Variants in RAB3B observed in about 807,000 individuals in gnomAD.
RAB3B encodes ras-related protein Rab-3B.
RAB3B carries 11 observed loss-of-function variants against 20.5 expected under a neutral mutation model. The ratio of observed to expected loss-of-function variants is 0.54; its 90% confidence interval spans 0.34 to 0.89. The LOEUF (loss-of-function observed/expected upper bound fraction) is 0.89, where lower values mean the gene tolerates loss of function less well. Ranked by LOEUF, RAB3B falls within the 40% of genes least tolerant of loss-of-function variation. The pLI, the probability that RAB3B is intolerant of heterozygous loss-of-function variation, is 0.02. For synonymous variants in RAB3B, 99 were observed against 106.3 expected (o/e 0.93, Z 0.42); for missense variants, 225 against 280.9 (o/e 0.80, Z 1.42).
At chr1:51,927,048 T>C (rs1472373287) in intron 4 of RAB3B, among the ~76,000 whole-genome samples, 1 of 152,242 alleles carries the variant, frequency 6.6e-6, no homozygotes, top group Non-Finnish European at 1.5e-5. Context: ...TGAAAGCATA[T>C]TGTGAATTTT....
In RAB3B at chr1:51,908,186, G is replaced by A. The variant is rs574121598; in HGVS notation, c.*11741C>T. 1 of 152,194 alleles carries A rather than the reference G, an allele frequency of 6.6e-6. No homozygotes were observed. Among genetic ancestry groups the A allele is most frequent in the South Asian group, 2.1e-4 (1 of 4,818 alleles). The allele number at this position is 152,194 out of a possible 1,614,324, so 9.4% of individuals were successfully genotyped here. The stretch of plus-strand genomic sequence containing the variant: ...TTCATATTTCATATGCCACTGAGAA[G>A]AGGTGTCAGTATACAGAACATAGGA... On this transcript the variant is annotated 3_prime_UTR_variant, in exon 5 of 5. Coordinates refer to ENST00000371655, the MANE Select transcript of RAB3B (RefSeq NM_002867.4).
chr1:51,980,946 A>T (rs1436813418), intron 1 of RAB3B: 1 of 338,268 alleles, frequency 3.0e-6, no homozygotes. Context: ...AAGGTAATAC[A>T]TACTTACGGA....
chr1:51,967,732 G>A (rs569596752), intron 2 of RAB3B, among the ~76,000 whole-genome samples: 9 of 150,942 alleles, frequency 6.0e-5, no homozygotes, highest in South Asian at 2.1e-4. Flanking sequence ...GTATGTTGCT[G>A]GTCTCACTCC....
chr1:51,969,705 A>G (rs1384319050), intron 2 of RAB3B, among the ~76,000 whole-genome samples: 1 of 152,144 alleles, frequency 6.6e-6, no homozygotes, highest in Non-Finnish European at 1.5e-5. Flanking sequence ...AATGCTATTT[A>G]TCAATCTCCC....
At chr1:51,927,868 T>C (rs1684266190) in intron 4 of RAB3B, among the ~76,000 whole-genome samples, 1 of 152,128 alleles carries the variant, frequency 6.6e-6, no homozygotes, top group African/African-American at 2.4e-5. Flanking sequence ...CAGAAGCATA[T>C]TTCCCTTTTA....
intron 2 of RAB3B, among the ~76,000 whole-genome samples, chr1:51,947,872 T>C (rs1684585963): frequency 6.6e-6 from 1 of 152,060 alleles, no homozygotes; most frequent in South Asian, 2.1e-4. Flanking sequence ...TTGTATTGAG[T>C]GCTTCCAACT....
At chr1:51,963,120 A>G (rs1289242356) in intron 2 of RAB3B, among the ~76,000 whole-genome samples, 1 of 152,124 alleles carries the variant, frequency 6.6e-6, no homozygotes, top group Non-Finnish European at 1.5e-5. Flanking sequence ...CTTCTCCTCC[A>G]GTGATATTGA....
At chr1:51,953,399 C>T (rs1185228065) in intron 2 of RAB3B, among the ~76,000 whole-genome samples, 1 of 152,208 alleles carries the variant, frequency 6.6e-6, no homozygotes, top group Non-Finnish European at 1.5e-5. Context: ...CATGATTATA[C>T]TTAATACATC....
At chr1:51,954,266 G>T (rs1173188923) in intron 2 of RAB3B, among the ~76,000 whole-genome samples, 3 of 152,170 alleles carry the variant, frequency 2.0e-5, no homozygotes, top group Non-Finnish European at 4.4e-5. Flanking sequence ...AACATATAAA[G>T]ATTTTCTAAC....
intron 1 of RAB3B, among the ~76,000 whole-genome samples, chr1:51,980,191 G>A (rs1173558603): frequency 6.6e-6 from 1 of 152,170 alleles, no homozygotes; most frequent in East Asian, 1.9e-4. Context: ...AACTTTGGGA[G>A]GCCAAAGTGG....
intron 4 of RAB3B, among the ~76,000 whole-genome samples, chr1:51,931,138 G>C (rs1308656632): frequency 1.3e-5 from 2 of 152,070 alleles, no homozygotes; most frequent in African/African-American, 2.4e-5. Context: ...AGTGGCGTGA[G>C]TCCCCTCTTT....
chr1:51,959,310 A>G (rs748815821), intron 2 of RAB3B, among the ~76,000 whole-genome samples: 1 of 152,148 alleles, frequency 6.6e-6, no homozygotes, highest in Non-Finnish European at 1.5e-5. Flanking sequence ...ACTTGAGCCC[A>G]GGAGTTCAAG....
intron 2 of RAB3B, among the ~76,000 whole-genome samples, chr1:51,957,541 ATCTGTT>A: frequency 6.6e-6 from 1 of 152,240 alleles, no homozygotes; most frequent in Non-Finnish European, 1.5e-5. Context: ...TGAGCTGCAG[ATCTGTT>A]AACTGCAAAA....
chr1:51,918,086 T>C lies in RAB3B; in HGVS notation c.*1841A>G, dbSNP rs1464109233. On this transcript the variant is annotated 3_prime_UTR_variant, in exon 5 of 5. Transcript: ENST00000371655. ...CCTGTGGCCAAGCAAGCTAGAATAATGAGCTAATTTATTCTGGTCTCTGAG... is the reference window on the plus strand; with the variant it reads ...CCTGTGGCCAAGCAAGCTAGAATAACGAGCTAATTTATTCTGGTCTCTGAG... 1 of 152,220 alleles carries C rather than the reference T, an allele frequency of 6.6e-6. No individual in the cohort carries two copies. The highest frequency in any genetic ancestry group is 1.5e-5 in the Non-Finnish European group (1 of 68,038). The allele number at this position is 152,220 out of a possible 1,614,324, so 9.4% of individuals were successfully genotyped here. A position where few individuals can be genotyped will look rare whatever the true frequency, so the allele number is the denominator to read the frequency against.
At chr1:51,969,021 C>A (rs1362088259) in intron 2 of RAB3B, among the ~76,000 whole-genome samples, 1 of 152,334 alleles carries the variant, frequency 6.6e-6, no homozygotes, top group East Asian at 1.9e-4. Context: ...TGGGCAGGAG[C>A]AGTGGCTCAC....
At chr1:51,949,452 T>C (rs1684606602) in intron 2 of RAB3B, among the ~76,000 whole-genome samples, 1 of 152,192 alleles carries the variant, frequency 6.6e-6, no homozygotes, top group African/African-American at 2.4e-5. Context: ...GAGGGCAAGC[T>C]TCCAGCACAA....
rs1684096095 is a variant in RAB3B, at chr1:51,917,049, T to G, written c.*2878A>C. 1 of 152,220 alleles carries G rather than the reference T, an allele frequency of 6.6e-6. No individual in the cohort carries two copies. The highest frequency in any genetic ancestry group is 1.5e-5 in the Non-Finnish European group (1 of 68,040). The allele number at this position is 152,220 out of a possible 1,614,324, so 9.4% of individuals were successfully genotyped here. A position where few individuals can be genotyped will look rare whatever the true frequency, so the allele number is the denominator to read the frequency against. Reference sequence around the variant, plus strand: ...TGGAGCCTACTGCCTGGATGTGAACTCCAGCTCTACCACTTACTTATTATG... The same window carrying G: ...TGGAGCCTACTGCCTGGATGTGAACGCCAGCTCTACCACTTACTTATTATG... On this transcript the variant is annotated 3_prime_UTR_variant, in exon 5 of 5. Coordinates refer to ENST00000371655, the MANE Select transcript of RAB3B (RefSeq NM_002867.4).
Position 51,914,288 on chromosome 1 carries a change from T to C in RAB3B, c.*5639A>G, listed in dbSNP as rs1292060102. On this transcript the variant is annotated 3_prime_UTR_variant, in exon 5 of 5. Coordinates refer to ENST00000371655, the MANE Select transcript of RAB3B (RefSeq NM_002867.4). ...AAAAGGTGAAAGCTTAGTTGAGGAATGTAAAGCAATGGCCAGTGGGTAGCA... is the reference window on the plus strand; with the variant it reads ...AAAAGGTGAAAGCTTAGTTGAGGAACGTAAAGCAATGGCCAGTGGGTAGCA... 6 of 152,314 alleles carry C rather than the reference T, an allele frequency of 3.9e-5. No homozygotes were observed. In the East Asian group the frequency reaches 1.2e-3, roughly 29 times the overall value. 9.4% of individuals were successfully genotyped at this position (152,314 alleles called of 1,614,324 possible).
intron 2 of RAB3B, among the ~76,000 whole-genome samples, chr1:51,956,608 C>G (rs1345002338): frequency 6.6e-6 from 1 of 152,228 alleles, no homozygotes; most frequent in Non-Finnish European, 1.5e-5. Context: ...TTGTGTTCCT[C>G]TAAGTCTCAG....
Sources: allele counts gnomAD v4.1 joint callset (sites outside exome capture counted in the v4.1 genomes callset), GRCh38; gene constraint gnomAD v4.1.1; transcripts MANE v1.5; gene names NCBI Gene and HGNC (gene_info 2026-07-23, HGNC 2026-07-21).